Variants in PCDHA6 observed in about 807,000 individuals in gnomAD.
PCDHA6 encodes the protein protocadherin alpha 6, also known as protocadherin alpha-6.
A neutral mutation model predicts 60.3 loss-of-function variants in PCDHA6; 55 were observed. The observed-to-expected ratio is 0.91, with a 90% confidence interval of 0.73 to 1.14. The LOEUF (loss-of-function observed/expected upper bound fraction) is 1.14, where lower values mean the gene tolerates loss of function less well. Ranked by LOEUF, PCDHA6 falls within the 50% of genes most tolerant of loss-of-function variation. The pLI, the probability that PCDHA6 is intolerant of heterozygous loss-of-function variation, is 0.00. For synonymous variants in PCDHA6, 652 were observed against 557.9 expected (o/e 1.17, Z -2.38); for missense variants, 1,327 against 1,256.5 (o/e 1.06, Z -0.85).
At chr5:140,982,317 AG>A in intron 2 of PCDHA6, 157 bp from the exon 3 acceptor site, 1 of 1,347,244 alleles carries the variant, frequency 7.4e-7, no homozygotes, top group East Asian at 2.5e-5. Flanking sequence ...CAGTTTATGC[AG>A]GGTGACTGCT....
At chr5:140,836,668 A>T in intron 1 of PCDHA6, 1 of 1,613,338 alleles carries the variant, frequency 6.2e-7, no homozygotes, top group Non-Finnish European at 8.5e-7. Context: ...TGCTCTGGGG[A>T]GGGCCCACCC....
chr5:140,949,528 A>G (rs2094388709), intron 1 of PCDHA6, among the ~76,000 whole-genome samples: 1 of 151,854 alleles, frequency 6.6e-6, no homozygotes, highest in Non-Finnish European at 1.5e-5. Context: ...TTTTATCTTC[A>G]TAAAATATCG....
intron 1 of PCDHA6, among the ~76,000 whole-genome samples, chr5:140,956,473 A>G (rs1269855039): frequency 1.1e-4 from 17 of 152,136 alleles, no homozygotes; most frequent in Admixed American, 1.1e-3. Context: ...CATATGTTGA[A>G]CCAGTCTTGC....
At chr5:141,008,568 T>C (rs1430525508) in intron 3 of PCDHA6, among the ~76,000 whole-genome samples, 2 of 152,220 alleles carry the variant, frequency 1.3e-5, no homozygotes, top group African/African-American at 4.8e-5. Flanking sequence ...GCATAATCAT[T>C]TTCCCAAGAC....
intron 1 of PCDHA6, chr5:140,841,618 C>T (rs782778902): frequency 6.2e-7 from 1 of 1,614,014 alleles, no homozygotes; most frequent in South Asian, 1.1e-5. Flanking sequence ...GCGGGCGGAG[C>T]GCGGAGTGCA....
chr5:140,898,674 C>G (rs1174441906), intron 1 of PCDHA6, among the ~76,000 whole-genome samples: 1 of 152,160 alleles, frequency 6.6e-6, no homozygotes, highest in Non-Finnish European at 1.5e-5. Context: ...GTGTTGCGGG[C>G]TGTTTTTTGG....
intron 1 of PCDHA6, among the ~76,000 whole-genome samples, chr5:140,942,869 T>C (rs971576222): frequency 6.6e-6 from 1 of 152,088 alleles, no homozygotes; most frequent in African/African-American, 2.4e-5. Context: ...TGCTTTAGCA[T>C]GACAACTTTT....
intron 1 of PCDHA6, chr5:140,843,383 G>C: frequency 6.3e-7 from 1 of 1,596,120 alleles, no homozygotes; most frequent in African/African-American, 1.3e-5. Context: ...TGGCGTTTTG[G>C]GTCCGGAAGC....
chr5:140,872,817 T>G (rs1316271424), intron 1 of PCDHA6, among the ~76,000 whole-genome samples: 1 of 152,214 alleles, frequency 6.6e-6, no homozygotes, highest in African/African-American at 2.4e-5. Context: ...TTTTTCAGAT[T>G]CATCTAGCAG....
chr5:140,876,979 G>A (rs1554169178), intron 1 of PCDHA6: 2 of 1,612,614 alleles, frequency 1.2e-6, no homozygotes, highest in South Asian at 2.2e-5. Flanking sequence ...GGGCGAGCAC[G>A]CACTGTCGAG....
At chr5:141,006,996 G>T (rs1206587874) in intron 3 of PCDHA6, among the ~76,000 whole-genome samples, 2 of 152,136 alleles carry the variant, frequency 1.3e-5, no homozygotes, top group African/African-American at 4.8e-5. Flanking sequence ...TAAAATATAA[G>T]TCTGCATCTC....
chr5:140,874,111 G>T (rs977519429), intron 1 of PCDHA6, among the ~76,000 whole-genome samples: 2 of 152,056 alleles, frequency 1.3e-5, no homozygotes, highest in Non-Finnish European at 2.9e-5. Flanking sequence ...ATTACTTAAC[G>T]TTTTATAGTT....
intron 1 of PCDHA6, chr5:140,863,615 T>C (rs1290782399): frequency 1.2e-5 from 4 of 339,092 alleles, no homozygotes; most frequent in South Asian, 4.8e-5. Context: ...ATGTCCCTCA[T>C]AGTGACATTG....
At position 140,881,209 on chromosome 5, in the gene PCDHA6, G is replaced by C. The variant is rs74494049; in HGVS notation, c.2394+50724G>C. The C allele has an allele frequency of 3.6e-3, 703 of 194,982 alleles. 1 individual carries two copies. The highest frequency in any genetic ancestry group is 0.016 in the African/African-American group (679 of 42,430). 12.1% of individuals were successfully genotyped at this position (194,982 alleles called of 1,614,324 possible). On this transcript the variant is annotated intron_variant, in intron 1 of 3. Transcript: ENST00000529310. Reference sequence around the variant, plus strand: ...GATATGTTAACATCTTTGTCTAGCTGTTGTTTCTTGGAAAATTAAAGTCAA... The same window carrying C: ...GATATGTTAACATCTTTGTCTAGCTCTTGTTTCTTGGAAAATTAAAGTCAA...
chr5:140,950,022 A>G (rs1355491628), intron 1 of PCDHA6, among the ~76,000 whole-genome samples: 1 of 151,918 alleles, frequency 6.6e-6, no homozygotes, highest in Non-Finnish European at 1.5e-5. Flanking sequence ...CCTTCATAAA[A>G]TATAGAAAAG....
chr5:140,980,313 C>G (rs904282752), intron 2 of PCDHA6, among the ~76,000 whole-genome samples: 7 of 152,166 alleles, frequency 4.6e-5, no homozygotes, highest in Admixed American at 3.9e-4. Context: ...GCCTTAAAAA[C>G]TACATTTGAA....
intron 1 of PCDHA6, among the ~76,000 whole-genome samples, chr5:140,898,222 T>G (rs1373386970): frequency 1.3e-5 from 2 of 152,230 alleles, no homozygotes; most frequent in Non-Finnish European, 2.9e-5. Flanking sequence ...TTTTGGCTTT[T>G]GTTGCCATTG....
chr5:140,836,036 G>T, intron 1 of PCDHA6: 1 of 1,613,512 alleles, frequency 6.2e-7, no homozygotes, highest in Non-Finnish European at 8.5e-7. Context: ...ACGTGACGCT[G>T]CAGGTGTTCG....
At chr5:140,977,836 T>C (rs1300356505) in intron 1 of PCDHA6, among the ~76,000 whole-genome samples, 1 of 152,236 alleles carries the variant, frequency 6.6e-6, no homozygotes, top group African/African-American at 2.4e-5. Flanking sequence ...TCTATTGATA[T>C]TACTATGGCT....
Sources: allele counts gnomAD v4.1 joint callset (sites outside exome capture counted in the v4.1 genomes callset), GRCh38; gene constraint gnomAD v4.1.1; transcripts MANE v1.5; gene names NCBI Gene and HGNC (gene_info 2026-07-23, HGNC 2026-07-21).